ENOX1: variants seen among roughly 807,000 people sequenced by gnomAD.
ENOX1 encodes the protein ecto-NOX disulfide-thiol exchanger 1.
In ENOX1, 42 loss-of-function variants were observed where a neutral mutation model predicts 82.5. The observed-to-expected ratio is 0.51, with a 90% confidence interval of 0.40 to 0.66. ENOX1 has a LOEUF of 0.66. ENOX1 is among the 30% of genes least tolerant of loss of function. ENOX1 has a pLI of 0.00. For missense variants in ENOX1, 608 were observed against 811.6 expected, an observed-to-expected ratio of 0.75 and a Z score of 3.05; for synonymous variants, 271 against 282.2, an observed-to-expected ratio of 0.96 and a Z score of 0.40.
intron 3 of ENOX1, among the ~76,000 whole-genome samples, chr13:43,473,044 T>C (rs2058134781): frequency 6.6e-6 from 1 of 152,124 alleles, no homozygotes; most frequent in South Asian, 2.1e-4. Flanking sequence ...GAAATGAAAA[T>C]AGGTTTTCAT....
intron 3 of ENOX1, among the ~76,000 whole-genome samples, chr13:43,416,807 G>T (rs946453308): frequency 6.6e-6 from 1 of 151,868 alleles, no homozygotes; most frequent in Non-Finnish European, 1.5e-5. Flanking sequence ...CCTAGATGGG[G>T]TGGCGGCCGG....
intron 2 of ENOX1, among the ~76,000 whole-genome samples, chr13:43,628,451 G>A (rs184762891): frequency 6.6e-6 from 1 of 152,056 alleles, no homozygotes; most frequent in Non-Finnish European, 1.5e-5. Context: ...TGTTCATTTA[G>A]TTCCTCTTCA....
intron 1 of ENOX1, among the ~76,000 whole-genome samples, chr13:43,721,966 T>C (rs1438490817): frequency 6.6e-6 from 1 of 152,180 alleles, no homozygotes; most frequent in Non-Finnish European, 1.5e-5. Context: ...TGCTCTCGAC[T>C]CTGTTAAACA....
At chr13:43,232,323 T>C (rs750638016) in intron 15 of ENOX1, among the ~76,000 whole-genome samples, 5 of 152,210 alleles carry the variant, frequency 3.3e-5, no homozygotes, top group Non-Finnish European at 5.9e-5. Context: ...AGGCTCTTGA[T>C]AAATGTTTGT....
chr13:43,722,698 T>C (rs1017277241), intron 1 of ENOX1, among the ~76,000 whole-genome samples: 1 of 152,102 alleles, frequency 6.6e-6, no homozygotes, highest in African/African-American at 2.4e-5. Context: ...GTAAAATTAC[T>C]CTTATCACTG....
At chr13:43,772,017 C>G (rs1313530103) in intron 1 of ENOX1, among the ~76,000 whole-genome samples, 4 of 149,218 alleles carry the variant, frequency 2.7e-5, no homozygotes, top group Non-Finnish European at 5.9e-5. Context: ...ATCTCCTGAC[C>G]TCATGATCCG....
chr13:43,315,610 G>A (rs1290944773), intron 11 of ENOX1, among the ~76,000 whole-genome samples: 1 of 152,158 alleles, frequency 6.6e-6, no homozygotes, highest in Non-Finnish European at 1.5e-5. Flanking sequence ...TTGCTCAAAC[G>A]CAAGCTGAAA....
At chr13:43,611,188 T>A (rs2082184916) in intron 2 of ENOX1, among the ~76,000 whole-genome samples, 1 of 152,184 alleles carries the variant, frequency 6.6e-6, no homozygotes, top group Non-Finnish European at 1.5e-5. Flanking sequence ...ATACCACTGA[T>A]GTTCCAATGC....
rs189959277 is a variant in ENOX1 at position 43,740,247 on chromosome 13, A to C, written c.-285+46405T>G. Among the ~76,000 whole-genome samples, 22 of 152,296 alleles carry C rather than the reference A, an allele frequency of 1.4e-4. No individual in the cohort carries two copies. The East Asian group carries it at 2.9e-3, about 20-fold the overall frequency. On this transcript the variant is annotated intron_variant, in intron 1 of 16. Coordinates refer to ENST00000690772, the MANE Select transcript of ENOX1 (RefSeq NM_001347969.2). The stretch of plus-strand genomic sequence containing the variant: ...ACAAAAGGTAGTAGGTGTTCAAGGT[A>C]GGGAAACACCAGGAACCACTGGAAG...
At chr13:43,667,241 C>A (rs969639540) in intron 2 of ENOX1, among the ~76,000 whole-genome samples, 4 of 152,134 alleles carry the variant, frequency 2.6e-5, no homozygotes, top group African/African-American at 4.8e-5. Flanking sequence ...AAAGAGATTT[C>A]AAGTGACCAG....
Position 43,298,286 on chromosome 13 carries a change from T to C in ENOX1, c.1446+60A>G. The C allele has an allele frequency of 4.0e-6, 6 of 1,498,018 alleles. No homozygotes were observed. In the South Asian group the frequency reaches 5.4e-5, roughly 14 times the overall value. The allele number at this position is 1,498,018 out of a possible 1,614,324, so 92.8% of individuals were successfully genotyped here. A position where few individuals can be genotyped will look rare whatever the true frequency, so the allele number is the denominator to read the frequency against. ...TTCCAGCACACGGCTGCCTTTCCAT[T>C]TTCATTTAATACACATATCTCTTTC... On this transcript the variant is annotated intron_variant, in intron 12 of 16. Transcript: ENST00000690772.
At chr13:43,407,930 T>C (rs1470619534) in intron 5 of ENOX1, among the ~76,000 whole-genome samples, 1 of 151,848 alleles carries the variant, frequency 6.6e-6, no homozygotes, top group Non-Finnish European at 1.5e-5. Context: ...CAAGAAACAA[T>C]AATGGAGGTA....
chr13:43,685,321 G>C (rs1465381411), intron 1 of ENOX1, among the ~76,000 whole-genome samples: 1 of 152,172 alleles, frequency 6.6e-6, no homozygotes, highest in African/African-American at 2.4e-5. Flanking sequence ...GAAGGCAGAG[G>C]AGAAGAGGAG....
chr13:43,537,486 C>T (rs1339208891), intron 2 of ENOX1, among the ~76,000 whole-genome samples: 3 of 152,214 alleles, frequency 2.0e-5, no homozygotes, highest in Non-Finnish European at 4.4e-5. Context: ...TGTTTTGTAA[C>T]TGTTACTGTG....
chr13:43,523,098 C>T (rs767387765), intron 2 of ENOX1, among the ~76,000 whole-genome samples: 14 of 152,168 alleles, frequency 9.2e-5, no homozygotes, highest in Non-Finnish European at 1.6e-4. Flanking sequence ...ACACACACCA[C>T]AGTCCCTCAC....
intron 1 of ENOX1, among the ~76,000 whole-genome samples, chr13:43,736,023 C>G (rs959554022): frequency 1.1e-4 from 17 of 152,130 alleles, no homozygotes; most frequent in Admixed American, 3.3e-4. Context: ...TAACTCCTTC[C>G]ATTTCCCTTC....
chr13:43,364,453 C>G (rs2050718319), intron 5 of ENOX1, among the ~76,000 whole-genome samples: 1 of 152,096 alleles, frequency 6.6e-6, no homozygotes, highest in Admixed American at 6.5e-5. Context: ...CTGTCTGGCT[C>G]CTCTCTGTGT....
intron 1 of ENOX1, among the ~76,000 whole-genome samples, chr13:43,749,183 T>C (rs1950182139): frequency 6.6e-6 from 1 of 152,238 alleles, no homozygotes; most frequent in South Asian, 2.1e-4. Context: ...ATCTGAATTT[T>C]AGTGAAAATT....
chr13:43,269,331 T>A (rs953471551), intron 13 of ENOX1, 139 bp downstream of exon 13: 1 of 669,874 alleles, frequency 1.5e-6, no homozygotes, highest in African/African-American at 1.8e-5. Flanking sequence ...ATAGCAAAGC[T>A]GCTAGGAAGT....
Sources: allele counts gnomAD v4.1 joint callset (sites outside exome capture counted in the v4.1 genomes callset), GRCh38; gene constraint gnomAD v4.1.1; transcripts MANE v1.5; gene names NCBI Gene and HGNC (gene_info 2026-07-23, HGNC 2026-07-21).